SLC4A4: variants seen among roughly 807,000 people sequenced by gnomAD.
SLC4A4 encodes the protein solute carrier family 4 member 4, also known as electrogenic sodium bicarbonate cotransporter 1.
In SLC4A4, 27 loss-of-function variants were observed where a neutral mutation model predicts 111.5. That is an observed-to-expected ratio of 0.24 (90% CI 0.18 to 0.33). SLC4A4 has a LOEUF of 0.33. Among genes scored for constraint, SLC4A4 ranks in the 10% least tolerant of loss-of-function variants. The pLI is 1.00. For synonymous variants in SLC4A4, 443 were observed against 463.4 expected (o/e 0.96, Z 0.57); for missense variants, 909 against 1,315.5 (o/e 0.69, Z 4.78).
chr4:71,211,453 A>G (rs1048199714), intron 1 of SLC4A4, among the ~76,000 whole-genome samples: 1 of 152,240 alleles, frequency 6.6e-6, no homozygotes, highest in African/African-American at 2.4e-5. Flanking sequence ...TGTTTTTACC[A>G]GGAGGTAGAA....
At chr4:71,168,513 A>T (rs1034561428) in intron 2 of SLC4A4, among the ~76,000 whole-genome samples, 1 of 151,874 alleles carries the variant, frequency 6.6e-6, no homozygotes, top group Admixed American at 6.6e-5. Flanking sequence ...ATTATTTTTG[A>T]CTATAGTCAA....
intron 8 of SLC4A4, 44 bp from the exon 9 acceptor site, chr4:71,447,602 A>G (rs1395673755): frequency 9.9e-6 from 12 of 1,207,770 alleles, no homozygotes; most frequent in Non-Finnish European, 1.4e-5. Flanking sequence ...GTTGAGTTTG[A>G]TGAAATGTGT....
At chr4:71,158,203 TA>T (rs1318268890) in intron 2 of SLC4A4, among the ~76,000 whole-genome samples, 1 of 151,666 alleles carries the variant, frequency 6.6e-6, no homozygotes, top group Non-Finnish European at 1.5e-5. Context: ...ACAAGTAATA[TA>T]AACATGTAGC....
rs185307185 is a variant in SLC4A4, at chr4:71,089,212, C to T, written c.-64-3518C>T. On this transcript the variant is annotated intron_variant, in intron 1 of 26. Coordinates refer to the SLC4A4 transcript ENST00000649996. ...GATCGGCTACTGAGGGTTGTGCATT[C>T]GTCACATAGTTTTGTGCCATGGTTT... Among the ~76,000 whole-genome samples the T allele has an allele frequency of 5.3e-5, 8 of 152,142 alleles. No individual in the cohort carries two copies. In the East Asian group the frequency reaches 7.7e-4, roughly 15 times the overall value.
Position 71,450,559 on chromosome 4 carries a change from T to C in SLC4A4, c.1208+16T>C, listed in dbSNP as rs1725669063. On this transcript the variant is annotated intron_variant, in intron 10 of 25. Transcript: ENST00000264485. The stretch of plus-strand genomic sequence containing the variant: ...CTGACAAAAGGTAAATTATAGGCAG[T>C]TGATAATTTTCAGTAGCTGAGATGA... 1.9e-6 allele frequency: 3 copies of C among 1,610,832 alleles called. No homozygotes were observed. The highest frequency in any genetic ancestry group is 8.5e-7 in the Non-Finnish European group (1 of 1,178,078).
At chr4:71,116,943 CAAA>C (rs112257014) in intron 2 of SLC4A4, among the ~76,000 whole-genome samples, 6 of 116,554 alleles carry the variant, frequency 5.1e-5, no homozygotes, top group Admixed American at 3.6e-4. Context: ...AACTCCATCT[CAAA>C]AAAAAAAAAA....
rs1560562545 is a variant in SLC4A4 at position 71,497,500 on chromosome 4, G to A, written c.1975-1G>A. 2 of 1,612,474 alleles carry A rather than the reference G, an allele frequency of 1.2e-6. No homozygotes were observed. Among genetic ancestry groups the A allele is most frequent in the Non-Finnish European group, 1.7e-6 (2 of 1,179,064 alleles). On this transcript the variant is annotated splice_acceptor_variant, in intron 15 of 25. Coordinates refer to ENST00000264485, the MANE Select transcript of SLC4A4 (RefSeq NM_001098484.3). LOFTEE classifies it high-confidence loss of function. ...AAAATTTTAATGTTTTTCTTCTTCAGTACCATAATACTACCTTTGACTGGG... is the reference window on the plus strand; with the variant it reads ...AAAATTTTAATGTTTTTCTTCTTCAATACCATAATACTACCTTTGACTGGG...
chr4:71,569,241 A>G lies in SLC4A4; in HGVS notation c.*1490A>G, dbSNP rs1737752647. On this transcript the variant is annotated 3_prime_UTR_variant, in exon 26 of 26. Transcript: ENST00000264485. ...GGTAAATATAGTTTATTTCCCAGGTATCAGTCATTATAATTGATATAATAG... is the reference window on the plus strand; with the variant it reads ...GGTAAATATAGTTTATTTCCCAGGTGTCAGTCATTATAATTGATATAATAG... 6.6e-6 allele frequency: 1 copy of G among 151,680 alleles called. No homozygotes were observed. Among genetic ancestry groups the G allele is most frequent in the African/African-American group, 2.4e-5 (1 of 41,376 alleles). The allele number at this position is 151,680 out of a possible 1,614,324, so 9.4% of individuals were successfully genotyped here.
intron 3 of SLC4A4, among the ~76,000 whole-genome samples, chr4:71,324,566 C>T (rs976666245): frequency 5.9e-5 from 9 of 151,942 alleles, no homozygotes; most frequent in Admixed American, 3.3e-4. Context: ...AAGAAAGATA[C>T]ATATTTACAT....
chr4:71,244,355 G>A (rs1326764198), intron 2 of SLC4A4, among the ~76,000 whole-genome samples: 1 of 152,154 alleles, frequency 6.6e-6, no homozygotes, highest in African/African-American at 2.4e-5. Flanking sequence ...CATGCAAAGT[G>A]CAGTGAGTAA....
intron 1 of SLC4A4, among the ~76,000 whole-genome samples, chr4:71,195,626 G>A (rs985443866): frequency 7.9e-5 from 12 of 152,184 alleles, no homozygotes; most frequent in Admixed American, 5.9e-4. Context: ...ATTCCTTTGA[G>A]AAGTTAAACT....
intron 3 of SLC4A4, among the ~76,000 whole-genome samples, chr4:71,301,796 G>A (rs943559194): frequency 6.6e-6 from 1 of 152,178 alleles, no homozygotes; most frequent in Non-Finnish European, 1.5e-5. Flanking sequence ...GAGGACAATA[G>A]CGAGCCATCC....
Position 71,447,768 on chromosome 4 carries a change from C to A in SLC4A4, c.1053+35C>A, listed in dbSNP as rs79172866. 2.8e-4 allele frequency: 377 copies of A among 1,326,924 alleles called. 1 individual carries two copies. In the African/African-American group the frequency reaches 4.8e-3, roughly 17 times the overall value. The allele number at this position is 1,326,924 out of a possible 1,614,324, so 82.2% of individuals were successfully genotyped here. The stretch of plus-strand genomic sequence containing the variant: ...CAGGAAGATGGAGTTCTGTGAATGT[C>A]CTACTTGTTTGTTGTCATACTGTGA... On this transcript the variant is annotated intron_variant, in intron 9 of 25. Coordinates refer to ENST00000264485, the MANE Select transcript of SLC4A4 (RefSeq NM_001098484.3).
At position 71,532,071 on chromosome 4, in the gene SLC4A4, C is replaced by T. The variant is rs16846517; in HGVS notation, c.2176C>T (p.Leu726=). 3,273 of 1,606,428 alleles carry T rather than the reference C, an allele frequency of 2.0e-3. 64 individuals carry two copies. The African/African-American group carries it at 0.039, about 19-fold the overall frequency. Residue 726 remains leucine, a synonymous_variant, in exon 17 of 26, where the codon CTG becomes TTG. Coordinates refer to ENST00000264485, the MANE Select transcript of SLC4A4 (RefSeq NM_001098484.3). ...SPYFPTTARK[L]ISDFAIILSI... ...TTTTTTATTTTTCCAGGCAAGAAAA[C>T]TGATCAGTGATTTTGCCATTATCTT... is the stretch of plus-strand genomic sequence containing the variant.
intron 12 of SLC4A4, among the ~76,000 whole-genome samples, chr4:71,461,110 A>T (rs1040375692): frequency 5.9e-5 from 9 of 152,134 alleles, no homozygotes; most frequent in Non-Finnish European, 1.3e-4. Flanking sequence ...ATTTAATTTT[A>T]TTATTTATTA....
At chr4:71,101,282 A>T (rs1742726169) in intron 2 of SLC4A4, among the ~76,000 whole-genome samples, 2 of 152,094 alleles carry the variant, frequency 1.3e-5, no homozygotes, top group Non-Finnish European at 2.9e-5. Context: ...AACAAAAAAA[A>T]TTCCATGCTC....
intron 2 of SLC4A4, among the ~76,000 whole-genome samples, chr4:71,125,458 G>A (rs1743535415): frequency 6.6e-6 from 1 of 152,166 alleles, no homozygotes. Flanking sequence ...GCCTCAGGAG[G>A]CTGAGGCACG....
chr4:71,533,313 A>T (rs938023625), intron 17 of SLC4A4, among the ~76,000 whole-genome samples: 1 of 152,076 alleles, frequency 6.6e-6, no homozygotes, highest in Non-Finnish European at 1.5e-5. Flanking sequence ...AGTAAGACAA[A>T]TTTTTTTCCC....
At chr4:71,407,329 C>G (rs1471459357) in intron 7 of SLC4A4, among the ~76,000 whole-genome samples, 1 of 152,134 alleles carries the variant, frequency 6.6e-6, no homozygotes, top group African/African-American at 2.4e-5. Context: ...TGTGCTGATA[C>G]TCTGGATGTC....
Sources: allele counts gnomAD v4.1 joint callset (sites outside exome capture counted in the v4.1 genomes callset), GRCh38; gene constraint gnomAD v4.1.1; transcripts MANE v1.5; gene names NCBI Gene and HGNC (gene_info 2026-07-23, HGNC 2026-07-21).